CPA6: variants seen among roughly 807,000 people sequenced by gnomAD.
CPA6 encodes the protein carboxypeptidase B.
In CPA6, 58 loss-of-function variants were observed where a neutral mutation model predicts 63.3. That is an observed-to-expected ratio of 0.92 (90% CI 0.74 to 1.14). The LOEUF (loss-of-function observed/expected upper bound fraction) is 1.14. Among genes scored for constraint, CPA6 ranks in the 50% most tolerant of loss-of-function variants. The pLI is 0.00. For missense variants in CPA6, 565 were observed against 526.6 expected, an observed-to-expected ratio of 1.07 and a Z score of -0.71; for synonymous variants, 185 against 179.0, an observed-to-expected ratio of 1.03 and a Z score of -0.27.
intron 10 of CPA6, among the ~76,000 whole-genome samples, chr8:67,426,659 T>C (rs1241833314): frequency 6.6e-6 from 1 of 152,200 alleles, no homozygotes; most frequent in Non-Finnish European, 1.5e-5. Flanking sequence ...AATACAATGA[T>C]AGGTAGATTA....
chr8:67,603,887 C>A (rs1418299823), intron 2 of CPA6, among the ~76,000 whole-genome samples: 1 of 152,216 alleles, frequency 6.6e-6, no homozygotes, highest in Non-Finnish European at 1.5e-5. Context: ...GTGTCATTAA[C>A]ACTTTTTGTC....
intron 1 of CPA6, among the ~76,000 whole-genome samples, chr8:67,687,178 G>A (rs1175481406): frequency 6.6e-6 from 1 of 152,152 alleles, no homozygotes; most frequent in Non-Finnish European, 1.5e-5. Context: ...TTCTCTCACA[G>A]AAGAAAACCC....
At chr8:67,700,163 T>C (rs1338429642) in intron 1 of CPA6, among the ~76,000 whole-genome samples, 2 of 152,218 alleles carry the variant, frequency 1.3e-5, no homozygotes, top group African/African-American at 4.8e-5. Flanking sequence ...ACAGCTTTAA[T>C]AGGGAGGTAC....
At chr8:67,583,048 T>C (rs1044558754) in intron 2 of CPA6, among the ~76,000 whole-genome samples, 3 of 152,122 alleles carry the variant, frequency 2.0e-5, no homozygotes, top group African/African-American at 7.2e-5. Flanking sequence ...GTGGCTTTAT[T>C]ATTAGGATTT....
At chr8:67,684,580 T>G (rs1300327850) in intron 1 of CPA6, among the ~76,000 whole-genome samples, 3 of 152,120 alleles carry the variant, frequency 2.0e-5, no homozygotes, top group Admixed American at 6.5e-5. Context: ...CCGGCCTCTC[T>G]CCAGCTCAAG....
At chr8:67,450,691 T>C (rs1264192511) in intron 8 of CPA6, among the ~76,000 whole-genome samples, 2 of 152,166 alleles carry the variant, frequency 1.3e-5, no homozygotes, top group African/African-American at 2.4e-5. Context: ...AATCTTGCCT[T>C]GTATCTATTG....
intron 2 of CPA6, among the ~76,000 whole-genome samples, chr8:67,573,860 C>A (rs1200102112): frequency 7.8e-6 from 1 of 127,450 alleles, no homozygotes; most frequent in Admixed American, 9.5e-5. Flanking sequence ...CCACTGCACT[C>A]CAGCCTGGGC....
At chr8:67,607,727 T>C (rs1364067744) in intron 2 of CPA6, among the ~76,000 whole-genome samples, 1 of 152,214 alleles carries the variant, frequency 6.6e-6, no homozygotes, top group African/African-American at 2.4e-5. Context: ...AAATGTTTCG[T>C]CACTACATCA....
rs764635474 is a variant in CPA6 at position 67,511,641 on chromosome 8, T to A, written c.332A>T (p.Asp111Val). The change falls in exon 4 of 11, where the codon GAT becomes GTT. Residue 111 changes from aspartate to valine, a missense_variant. Physicochemically the swap from Asp to Val is radical, Grantham distance 152 (BLOSUM62 -3). Coordinates refer to ENST00000297770, the MANE Select transcript of CPA6 (RefSeq NM_020361.5). Reference protein sequence around the residue: ...ANIQYKVLIEDLQKTLEKGSS... With the variant: ...ANIQYKVLIEVLQKTLEKGSS... ...TCCCTTCTCCAGTGTTTTCTGAAGA[T>A]CTTCTATGAGGACCCTGAATTTGGA... The A allele has an allele frequency of 1.2e-6, 2 of 1,603,962 alleles. No homozygotes were observed. The highest frequency in any genetic ancestry group is 1.7e-6 in the Non-Finnish European group (2 of 1,171,076).
chr8:67,446,883 C>G (rs78074657), intron 8 of CPA6, among the ~76,000 whole-genome samples: 1,799 of 152,242 alleles, frequency 0.012, 30 homozygotes, highest in African/African-American at 0.041. Flanking sequence ...TACAAATACA[C>G]ATACTGGTGT....
chr8:67,486,640 G>A (rs1811484079), intron 6 of CPA6, among the ~76,000 whole-genome samples: 2 of 152,084 alleles, frequency 1.3e-5, no homozygotes, highest in African/African-American at 4.8e-5. Flanking sequence ...TGCTACAAGG[G>A]TTATATTACC....
At chr8:67,739,396 G>A (rs1473995524) in intron 1 of CPA6, among the ~76,000 whole-genome samples, 1 of 152,236 alleles carries the variant, frequency 6.6e-6, no homozygotes, top group Non-Finnish European at 1.5e-5. Flanking sequence ...CAAGGGGCAA[G>A]AGCTAGAAGG....
At chr8:67,427,267 C>A (rs1310207270) in intron 10 of CPA6, among the ~76,000 whole-genome samples, 1 of 152,154 alleles carries the variant, frequency 6.6e-6, no homozygotes, top group African/African-American at 2.4e-5. Context: ...CCTAGTGACT[C>A]CCCTAGAAAA....
intron 1 of CPA6, among the ~76,000 whole-genome samples, chr8:67,718,734 A>G (rs1039520235): frequency 6.6e-6 from 1 of 151,486 alleles, no homozygotes; most frequent in Non-Finnish European, 1.5e-5. Context: ...GCAAACTCCA[A>G]CTCCCAGGTT....
chr8:67,640,383 G>A (rs1369555408), intron 1 of CPA6, among the ~76,000 whole-genome samples: 4 of 151,550 alleles, frequency 2.6e-5, no homozygotes, highest in Admixed American at 1.3e-4. Context: ...AGAGGGGGTC[G>A]AGGTGGCAGG....
chr8:67,443,014 C>T (rs991623629), intron 8 of CPA6, among the ~76,000 whole-genome samples: 1 of 152,036 alleles, frequency 6.6e-6, no homozygotes, highest in Non-Finnish European at 1.5e-5. Flanking sequence ...TTTTCCCTCT[C>T]TTTTCATAGG....
At chr8:67,501,084 T>A (rs1189555480) in intron 6 of CPA6, among the ~76,000 whole-genome samples, 1 of 152,136 alleles carries the variant, frequency 6.6e-6, no homozygotes, top group East Asian at 1.9e-4. Context: ...AAGAATAATC[T>A]TATCTATGGC....
intron 1 of CPA6, among the ~76,000 whole-genome samples, chr8:67,708,086 G>A (rs190569694): frequency 1.1e-3 from 160 of 152,268 alleles, no homozygotes; most frequent in Middle Eastern, 6.8e-3. Flanking sequence ...GACCTCATGA[G>A]GAGAGGAATT....
At chr8:67,534,818 T>G (rs778124167) in intron 2 of CPA6, among the ~76,000 whole-genome samples, 18 of 152,150 alleles carry the variant, frequency 1.2e-4, no homozygotes, top group Non-Finnish European at 2.5e-4. Flanking sequence ...CCTGCACCCA[T>G]CAACCCGTCA....
Sources: allele counts gnomAD v4.1 joint callset (sites outside exome capture counted in the v4.1 genomes callset), GRCh38; gene constraint gnomAD v4.1.1; transcripts MANE v1.5; gene names NCBI Gene and HGNC (gene_info 2026-07-23, HGNC 2026-07-21).